Variants in RGS10 observed in about 807,000 individuals in gnomAD.
The protein encoded by RGS10 is regulator of G protein signaling 10.
RGS10 carries 11 observed loss-of-function variants against 23.5 expected under a neutral mutation model. That is an observed-to-expected ratio of 0.47 (90% CI 0.29 to 0.77). RGS10 has a LOEUF of 0.77. RGS10 is among the 30% of genes least tolerant of loss of function. The pLI is 0.08. For synonymous variants in RGS10, 77 were observed against 83.2 expected (o/e 0.92, Z 0.41); for missense variants, 180 against 226.3 (o/e 0.80, Z 1.31).
At chr10:119,514,137 G>C (rs2991785) in intron 4 of RGS10, among the ~76,000 whole-genome samples, 151,356 of 152,312 alleles carry the variant, frequency 0.99, 75,210 homozygotes, top group Middle Eastern at 1. Context: ...GGGCGGATCA[G>C]TTGAGGCCAG....
intron 2 of RGS10, among the ~76,000 whole-genome samples, chr10:119,526,794 T>C (rs998880710): frequency 6.6e-6 from 1 of 152,016 alleles, no homozygotes; most frequent in Admixed American, 6.6e-5. Flanking sequence ...GAAATTCACA[T>C]ATGGTCCTCC....
intron 4 of RGS10, 34 bp from the exon 5 acceptor site, chr10:119,500,293 GAGGCTAAT>G: frequency 6.3e-7 from 1 of 1,592,512 alleles, no homozygotes; most frequent in Non-Finnish European, 8.5e-7. Flanking sequence ...TCTGAAGGCT[GAGGCTAAT>G]CCAGGCCATA....
intron 3 of RGS10, among the ~76,000 whole-genome samples, chr10:119,523,992 C>T (rs1022574220): frequency 6.6e-6 from 1 of 152,198 alleles, no homozygotes; most frequent in Non-Finnish European, 1.5e-5. Context: ...CAGCTCTTGT[C>T]GCCAGCCCTG....
chr10:119,530,292 G>C (rs972850928), intron 1 of RGS10, among the ~76,000 whole-genome samples: 11 of 151,934 alleles, frequency 7.2e-5, no homozygotes, highest in Admixed American at 7.2e-4. Context: ...TTCTATGGGG[G>C]GTCAAAATAC....
In RGS10 at chr10:119,515,398, C is replaced by A. The variant is rs1844130453; in HGVS notation, c.399+111G>T. 6.0e-6 allele frequency: 8 copies of A among 1,325,136 alleles called. No individual in the cohort carries two copies. In the Admixed American group the frequency reaches 1.4e-4, roughly 23 times the overall value. 82.1% of individuals were successfully genotyped at this position (1,325,136 alleles called of 1,614,324 possible). On this transcript the variant is annotated intron_variant, in intron 4 of 4. Coordinates refer to ENST00000369103, the MANE Select transcript of RGS10 (RefSeq NM_001005339.2). ...CTCAGTGTACCTCGGTCTGCCCGGC[C>A]GTATGAGATGGTTTCCAGGGAGTCT...
intron 3 of RGS10, among the ~76,000 whole-genome samples, chr10:119,518,225 C>T (rs1844168613): frequency 6.6e-6 from 1 of 152,224 alleles, no homozygotes; most frequent in Non-Finnish European, 1.5e-5. Flanking sequence ...GGCCCTGACA[C>T]ATGTGGCTGG....
At chr10:119,507,773 CG>C (rs1844032593) in intron 4 of RGS10, among the ~76,000 whole-genome samples, 2 of 151,792 alleles carry the variant, frequency 1.3e-5, no homozygotes, top group Non-Finnish European at 2.9e-5. Flanking sequence ...TTAGTAGAGA[CG>C]GGGTTTCACC....
chr10:119,532,442 C>T lies in RGS10; in HGVS notation c.50-5018G>A, dbSNP rs189280647. Among the ~76,000 whole-genome samples, 248 of 152,282 alleles carry T rather than the reference C, an allele frequency of 1.6e-3. 2 individuals are homozygous for T. The highest frequency in any genetic ancestry group is 5.6e-3 in the African/African-American group (233 of 41,554). ...TCAGCTCAGTTACGACCCGTGGGCG[C>T]GGTGGCTCATGCCTGTAATACCAGC... On this transcript the variant is annotated intron_variant, in intron 1 of 4. Transcript: ENST00000369103.
intron 4 of RGS10, among the ~76,000 whole-genome samples, chr10:119,512,192 G>A (rs554779567): frequency 1.3e-5 from 2 of 152,118 alleles, no homozygotes; most frequent in Non-Finnish European, 2.9e-5. Context: ...GCTGCTCTGC[G>A]GCTCCACCAT....
intron 3 of RGS10, among the ~76,000 whole-genome samples, chr10:119,525,016 G>A (rs1466621106): frequency 2.0e-5 from 3 of 151,182 alleles, no homozygotes; most frequent in East Asian, 2.0e-4. Flanking sequence ...AACTGGCAAC[G>A]CGCAAGCCGC....
chr10:119,505,707 T>C (rs1844003841), intron 4 of RGS10, among the ~76,000 whole-genome samples: 2 of 152,184 alleles, frequency 1.3e-5, no homozygotes, highest in Non-Finnish European at 2.9e-5. Flanking sequence ...CGCATACTCA[T>C]CTGTGCAGAA....
chr10:119,506,084 G>T (rs17098951), intron 4 of RGS10, among the ~76,000 whole-genome samples: 4,308 of 152,312 alleles, frequency 0.028, 152 homozygotes, highest in East Asian at 0.14. Flanking sequence ...ACGTGCTTTT[G>T]TACCCACGCG....
chr10:119,513,619 G>A (rs373859826), intron 4 of RGS10, among the ~76,000 whole-genome samples: 4 of 152,110 alleles, frequency 2.6e-5, no homozygotes, highest in African/African-American at 4.8e-5. Context: ...GTCCAGCTCC[G>A]TTCTGAGCTG....
Position 119,499,944 on chromosome 10 carries a change from T to C in RGS10, c.*169A>G. On this transcript the variant is annotated 3_prime_UTR_variant, in exon 5 of 5. Transcript: ENST00000369103. Reference sequence around the variant, plus strand: ...TTATTATTCTTTTTTTATGTTAGCTTAGCCATCATGCAAAATTTACTGGTG... The same window carrying C: ...TTATTATTCTTTTTTTATGTTAGCTCAGCCATCATGCAAAATTTACTGGTG... 2 of 584,638 alleles carry C rather than the reference T, an allele frequency of 3.4e-6. No individual in the cohort carries two copies. The highest frequency in any genetic ancestry group is 5.8e-6 in the Non-Finnish European group (2 of 346,160). 36.2% of individuals were successfully genotyped at this position (584,638 alleles called of 1,614,324 possible).
rs933591342 is a variant in RGS10, at chr10:119,501,780, G to T, written c.400-1521C>A. On this transcript the variant is annotated intron_variant, in intron 4 of 4. Transcript: ENST00000369103. The stretch of plus-strand genomic sequence containing the variant: ...AAAACAAACATCTGAGGGACTCAAA[G>T]GACTCAGAACATCTGCTTGGAGGAT... 1.5e-4 allele frequency among the ~76,000 whole-genome samples: 23 copies of T among 152,130 alleles called. No homozygotes were observed. The East Asian group carries it at 2.7e-3, about 18-fold the overall frequency.
Position 119,538,110 on chromosome 10 carries a change from C to G in RGS10, c.49+4480G>C, listed in dbSNP as rs758957209. ...TTGTTTGTTTCTAATGTCCTGACTA[C>G]AGAAAAGAAGGAAGGGAGGGAAGGA... On this transcript the variant is annotated intron_variant, in intron 1 of 4. Transcript: ENST00000369103. The surrounding 1 kb of genome is among the most constrained non-coding windows in gnomAD (Gnocchi z 4.5). 7.0e-6 allele frequency among the ~76,000 whole-genome samples: 1 copy of G among 141,942 alleles called. No individual in the cohort carries two copies. The highest frequency in any genetic ancestry group is 2.1e-4 in the East Asian group (1 of 4,854). The allele number at this position is 141,942 out of a possible 152,430, so 93.1% of individuals were successfully genotyped here. A position where few individuals can be genotyped will look rare whatever the true frequency, so the allele number is the denominator to read the frequency against.
chr10:119,520,809 C>CAAAAAAA (rs58487462), intron 3 of RGS10, among the ~76,000 whole-genome samples: 1,562 of 125,774 alleles, frequency 0.012, 8 homozygotes, highest in African/African-American at 0.036. Flanking sequence ...TCTCCAAAAG[C>CAAAAAAA]AAAAAAAAAA....
In RGS10 at chr10:119,522,777, C is replaced by T. The variant is rs976419182; in HGVS notation, c.255+3255G>A. Among the ~76,000 whole-genome samples, 7 of 151,348 alleles carry T rather than the reference C, an allele frequency of 4.6e-5. No individual in the cohort carries two copies. In the South Asian group the frequency reaches 1.0e-3, roughly 23 times the overall value. On this transcript the variant is annotated intron_variant, in intron 3 of 4. Coordinates refer to ENST00000369103, the MANE Select transcript of RGS10 (RefSeq NM_001005339.2). Reference sequence around the variant, plus strand: ...GGCGACTTCTCCCAGTGCCTATGTTCCTCCACACTTTTTGTAGTAATTTAG... The same window carrying T: ...GGCGACTTCTCCCAGTGCCTATGTTTCTCCACACTTTTTGTAGTAATTTAG...
At chr10:119,504,335 G>A (rs1009576118) in intron 4 of RGS10, among the ~76,000 whole-genome samples, 5 of 152,160 alleles carry the variant, frequency 3.3e-5, no homozygotes, top group African/African-American at 1.2e-4. Flanking sequence ...GATTACAGGT[G>A]TGCGCCACCA....
Sources: gnomAD v4.1 joint callset for allele counts (sites outside exome capture counted in the v4.1 genomes callset) on GRCh38, gnomAD v4.1.1 for gene constraint, Gnocchi (gnomAD v3.1) non-coding constraint, MANE v1.5 for transcripts, NCBI Gene and HGNC (gene_info 2026-07-23, HGNC 2026-07-21) for gene names.